The following PCDH11X variants were observed in gnomAD, a reference collection of about 807,000 sequenced individuals.
PCDH11X encodes protocadherin-11 X-linked.
In PCDH11X, 18 loss-of-function variants were observed where a neutral mutation model predicts 53.3. The ratio of observed to expected loss-of-function variants is 0.34; its 90% CI spans 0.23 to 0.50. The LOEUF is 0.50. Ranked by LOEUF, PCDH11X falls within the 20% of genes least tolerant of loss-of-function variation. The pLI, the probability that PCDH11X is intolerant of heterozygous loss-of-function variation, is 0.98. For missense variants in PCDH11X, 570 were observed against 1,032.4 expected (o/e 0.55, Z 6.14); for synonymous variants, 279 against 393.3 (o/e 0.71, Z 3.44).
chrX:92,371,098 T>TA (rs2070612355), intron 8 of PCDH11X, among the ~76,000 whole-genome samples: 1 of 111,852 alleles, frequency 8.9e-6, no homozygotes, highest in Non-Finnish European at 1.9e-5. Flanking sequence ...TTTGTGTTCT[T>TA]ACTTCTAACA....
intron 7 of PCDH11X, among the ~76,000 whole-genome samples, chrX:92,221,278 AACAC>A (rs58264678): frequency 0.033 from 2,874 of 88,005 alleles, 101 homozygotes; most frequent in Middle Eastern, 0.063. Flanking sequence ...CATTGTATAC[AACAC>A]ACACACACAC....
Position 92,292,156 on chromosome X carries a change from CA to C in PCDH11X, c.3144+29014del, listed in dbSNP as rs749316916. On this transcript the variant is annotated intron_variant, in intron 8 of 10. Coordinates refer to ENST00000682573, the MANE Select transcript of PCDH11X (RefSeq NM_032968.5). Reference sequence around the variant, plus strand: ...TCTTTCTGGATTATGGATGCAAAGTCATTTAAATTTTAGAAATAATGAAGTG... The same window carrying C: ...TCTTTCTGGATTATGGATGCAAAGTCTTTAAATTTTAGAAATAATGAAGTG... Among the ~76,000 whole-genome samples, 121 of 111,234 alleles carry C rather than the reference CA, an allele frequency of 1.1e-3. 1 individual carries two copies. Among genetic ancestry groups the C allele is most frequent in the African/African-American group, 3.8e-3 (116 of 30,669 alleles).
At chrX:92,477,470 A>T (rs1203337111) in intron 10 of PCDH11X, among the ~76,000 whole-genome samples, 1 of 90,479 alleles carries the variant, frequency 1.1e-5, no homozygotes, top group African/African-American at 4.2e-5. Flanking sequence ...GATGATTGAT[A>T]CCTGGCCTGG....
At chrX:92,104,139 G>A (rs779358011) in intron 6 of PCDH11X, among the ~76,000 whole-genome samples, 205 of 111,127 alleles carry the variant, frequency 1.8e-3, no homozygotes, top group Non-Finnish European at 3.0e-3. Context: ...ACCTTTTTAA[G>A]AATAAATTGC....
At chrX:92,353,583 G>A (rs757776825) in intron 8 of PCDH11X, among the ~76,000 whole-genome samples, 34 of 110,807 alleles carry the variant, frequency 3.1e-4, no homozygotes, top group Admixed American at 1.5e-3. Context: ...ATGACTCAGA[G>A]TAGGTTCGAC....
At position 92,287,507 on chromosome X, in the gene PCDH11X, G is replaced by A. The variant is rs187108125; in HGVS notation, c.3144+24364G>A. ...GAATACTTCTCATTCAGTATCCACC[G>A]TTGGCATTCTGTCTTCCCACTACAG... is the stretch of plus-strand genomic sequence containing the variant. On this transcript the variant is annotated intron_variant, in intron 8 of 10. Coordinates refer to ENST00000682573, the MANE Select transcript of PCDH11X (RefSeq NM_032968.5). 6.4e-3 allele frequency among the ~76,000 whole-genome samples: 713 copies of A among 111,032 alleles called. 4 individuals are homozygous for A. Among genetic ancestry groups the A allele is most frequent in the African/African-American group, 0.022 (673 of 30,517 alleles).
intron 7 of PCDH11X, among the ~76,000 whole-genome samples, chrX:92,253,809 A>C (rs958716424): frequency 2.2e-3 from 251 of 112,078 alleles, no homozygotes; most frequent in African/African-American, 7.6e-3. Flanking sequence ...AACTTTACTG[A>C]ATTTATTTAT....
chrX:91,792,096 A>G (rs890740980), intron 1 of PCDH11X, among the ~76,000 whole-genome samples: 9 of 108,304 alleles, frequency 8.3e-5, no homozygotes, highest in Admixed American at 2.0e-4. Context: ...TGATCCGCCC[A>G]CCTCGGCCTC....
rs139040066 is a variant in PCDH11X at position 91,844,496 on chromosome X, C to T, written c.540+8452C>T. Among the ~76,000 whole-genome samples, 183 of 109,256 alleles carry T rather than the reference C, an allele frequency of 1.7e-3. 1 individual carries two copies. The highest frequency in any genetic ancestry group is 0.015 in the East Asian group (50 of 3,379). The allele number at this position is 109,256 out of a possible 115,157, so 94.9% of individuals were successfully genotyped here. ...GCTTTATTTACATCTCATTCATATG[C>T]CCTTATTTTTTTAAAAAAGATTTCC... On this transcript the variant is annotated intron_variant, in intron 5 of 10. Transcript: ENST00000682573.
chrX:92,330,452 A>G (rs1406907055), intron 8 of PCDH11X, among the ~76,000 whole-genome samples: 1 of 111,355 alleles, frequency 9.0e-6, no homozygotes, highest in East Asian at 2.8e-4. Flanking sequence ...ATGTGGAGCA[A>G]CTGGAACTCT....
intron 8 of PCDH11X, among the ~76,000 whole-genome samples, chrX:92,331,937 T>G (rs1038725498): frequency 9.0e-6 from 1 of 111,706 alleles, no homozygotes; most frequent in Non-Finnish European, 1.9e-5. Context: ...AATAACCCTA[T>G]TTTCCATCTT....
intron 7 of PCDH11X, among the ~76,000 whole-genome samples, chrX:92,212,625 C>T (rs73245227): frequency 0.17 from 18,542 of 111,606 alleles, 1,312 homozygotes; most frequent in Admixed American, 0.29. Flanking sequence ...GCTTGGATTA[C>T]AGGCGTGAGC....
At chrX:92,097,356 G>A (rs2064157435) in intron 6 of PCDH11X, among the ~76,000 whole-genome samples, 1 of 106,319 alleles carries the variant, frequency 9.4e-6, no homozygotes, top group Non-Finnish European at 1.9e-5. Context: ...TGGCTGCCTT[G>A]TTGTGTTCAC....
At position 92,597,312 on chromosome X, in the gene PCDH11X, TA is replaced by T. The variant is rs142715497; in HGVS notation, c.3368-20944del. ...AGTGCAAAAAAACCATTAGAACTGA[TA>T]AAAAAAATTAGTAAACTTGCACGAT... On this transcript the variant is annotated intron_variant, in intron 10 of 10. Transcript: ENST00000682573. Among the ~76,000 whole-genome samples the T allele has an allele frequency of 8.3e-5, 9 of 108,227 alleles. No homozygotes were observed. In the South Asian group the frequency reaches 1.6e-3, roughly 19 times the overall value. 94.0% of individuals were successfully genotyped at this position (108,227 alleles called of 115,157 possible).
At chrX:92,518,747 A>C (rs1309442203) in intron 10 of PCDH11X, among the ~76,000 whole-genome samples, 1 of 93,248 alleles carries the variant, frequency 1.1e-5, no homozygotes, top group African/African-American at 3.9e-5. Flanking sequence ...TTACCAATAA[A>C]ATTTTTTTTT....
At chrX:92,117,582 C>T (rs1322934220) in intron 6 of PCDH11X, among the ~76,000 whole-genome samples, 1 of 111,354 alleles carries the variant, frequency 9.0e-6, no homozygotes, top group Non-Finnish European at 1.9e-5. Context: ...AGGGAAAGGC[C>T]ATAGACTAAT....
intron 8 of PCDH11X, among the ~76,000 whole-genome samples, chrX:92,320,159 C>G (rs1273998790): frequency 9.0e-6 from 1 of 111,607 alleles, no homozygotes; most frequent in Non-Finnish European, 1.9e-5. Flanking sequence ...TCATACTGCT[C>G]AGATTTGTGT....
At chrX:91,908,804 CA>C (rs202059670) in intron 6 of PCDH11X, among the ~76,000 whole-genome samples, 10,998 of 79,398 alleles carry the variant, frequency 0.14, 894 homozygotes, top group African/African-American at 0.32. Context: ...GACTCTGTCT[CA>C]AAAAAAAAAA....
At chrX:92,245,111 A>G (rs1019918634) in intron 7 of PCDH11X, among the ~76,000 whole-genome samples, 3 of 112,627 alleles carry the variant, frequency 2.7e-5, no homozygotes, top group Admixed American at 1.9e-4. Flanking sequence ...GTACATATGT[A>G]CAAGTTTAAA....
Sources: gnomAD v4.1 joint callset for allele counts (sites outside exome capture counted in the v4.1 genomes callset) on GRCh38, gnomAD v4.1.1 for gene constraint, MANE v1.5 for transcripts, NCBI Gene and HGNC (gene_info 2026-07-23, HGNC 2026-07-21) for gene names.